Variants in HTT observed in about 807,000 individuals in gnomAD.
The protein encoded by HTT is huntington disease protein.
A neutral mutation model predicts 362.3 loss-of-function variants in HTT; 104 were observed. That is an observed-to-expected ratio of 0.29 (90% CI 0.24 to 0.34). HTT has a LOEUF of 0.34. Among genes scored for constraint, HTT ranks in the 10% least tolerant of loss-of-function variants. The pLI is 1.00. For missense variants in HTT, 3,301 were observed against 3,928.6 expected, an observed-to-expected ratio of 0.84 and a Z score of 4.27; for synonymous variants, 1,577 against 1,548.7, an observed-to-expected ratio of 1.02 and a Z score of -0.43.
At chr4:3,177,279 T>C in intron 33 of HTT, 53 bp from the exon 34 acceptor site, 1 of 1,259,460 alleles carries the variant, frequency 7.9e-7, no homozygotes, top group Non-Finnish European at 1.1e-6. Context: ...AGAAGCCTGG[T>C]TTTTACATTT....
intron 29 of HTT, among the ~76,000 whole-genome samples, chr4:3,166,955 A>G (rs1717746048): frequency 6.6e-6 from 1 of 152,240 alleles, no homozygotes; most frequent in Non-Finnish European, 1.5e-5. Flanking sequence ...CCCACTGTCC[A>G]GCAAGTCCCA....
chr4:3,233,096 TGTGGGGAGGAGC>T, intron 60 of HTT, 55 bp from the exon 61 acceptor site: 1 of 1,374,630 alleles, frequency 7.3e-7, no homozygotes. Context: ...CCGCCTCGGC[TGTGGGGAGGAGC>T]CACTGGGACG....
rs1423953634 is a variant in HTT at position 3,235,732 on chromosome 4, C to T, written c.8739C>T (p.His2913=). 7 of 1,612,172 alleles carry T rather than the reference C, an allele frequency of 4.3e-6. No individual in the cohort carries two copies. The highest frequency in any genetic ancestry group is 5.9e-6 in the Non-Finnish European group (7 of 1,180,022). The part of the protein sequence containing the change: ...SVDRVNVHSP[H]RAMAALGLML... ...ACAGAGTGAACGTGCACAGCCCGCA[C>T]CGGGCCATGGCGGCTCTGGGCCTGA... is the stretch of plus-strand genomic sequence containing the variant. Residue 2913 remains histidine (H), a synonymous_variant, in exon 63 of 67, where the codon CAC becomes CAT. Transcript: ENST00000355072.
intron 40 of HTT, among the ~76,000 whole-genome samples, chr4:3,199,041 G>C (rs551268423): frequency 2.0e-5 from 3 of 152,356 alleles, no homozygotes; most frequent in African/African-American, 7.2e-5. Context: ...TGCCTGTGTA[G>C]CTGTGGCTCA....
chr4:3,187,911 A>G (rs1402925105), intron 39 of HTT, 25 bp downstream of exon 39: 2 of 1,419,850 alleles, frequency 1.4e-6, no homozygotes, highest in East Asian at 2.3e-5. Context: ...TGAGCCTATA[A>G]CTAACCCATG....
At chr4:3,120,087 A>G (rs1465446716) in intron 8 of HTT, among the ~76,000 whole-genome samples, 1 of 152,178 alleles carries the variant, frequency 6.6e-6, no homozygotes, top group Admixed American at 6.5e-5. Flanking sequence ...TATAGAAGTT[A>G]CCATCAGAAG....
intron 35 of HTT, 45 bp from the exon 36 acceptor site, chr4:3,180,470 A>G (rs752342762): frequency 1.3e-6 from 2 of 1,512,452 alleles, no homozygotes; most frequent in African/African-American, 1.4e-5. Flanking sequence ...TTCCAAATGT[A>G]ATTTCCATGA....
In HTT at chr4:3,241,639, CTG is replaced by C. The variant is rs1213245490; in HGVS notation, c.*1583_*1584del. 2 of 152,324 alleles carry C rather than the reference CTG, an allele frequency of 1.3e-5. No individual in the cohort carries two copies. Among genetic ancestry groups the C allele is most frequent in the African/African-American group, 4.8e-5 (2 of 41,460 alleles). 9.4% of individuals were successfully genotyped at this position (152,324 alleles called of 1,614,324 possible). On this transcript the variant is annotated 3_prime_UTR_variant, in exon 67 of 67. Transcript: ENST00000355072. ...GGTAAGTGGAGGAAATGTTGGAACTCTGTGCAGGTGCTGCCTTGAGACCCCCA... is the reference window on the plus strand; with the variant it reads ...GGTAAGTGGAGGAAATGTTGGAACTCTGCAGGTGCTGCCTTGAGACCCCCA...
chr4:3,146,705 A>G, intron 24 of HTT, 92 bp from the exon 25 acceptor site: 1 of 1,103,538 alleles, frequency 9.1e-7, no homozygotes, highest in Non-Finnish European at 1.4e-6. Context: ...ATGTATTGTG[A>G]CATGCCTTCC....
rs773875214 is a variant in HTT, at chr4:3,235,584, C to T, written c.8591C>T (p.Ser2864Phe). 2 of 1,613,874 alleles carry T rather than the reference C, an allele frequency of 1.2e-6. No homozygotes were observed. Among genetic ancestry groups the T allele is most frequent in the Non-Finnish European group, 1.7e-6 (2 of 1,179,968 alleles). Residue 2864 changes from serine (S) to phenylalanine (F), a missense_variant, in exon 63 of 67, where the codon TCT becomes TTT. Coordinates refer to ENST00000355072, the MANE Select transcript of HTT (RefSeq NM_001388492.1). Reference protein sequence around the residue: ...SIIQMCGVMLSGSEESTPSII... With the variant: ...SIIQMCGVMLFGSEESTPSII... The stretch of plus-strand genomic sequence containing the variant: ...GTGCAGATGTGTGGGGTGATGCTGT[C>T]TGGAAGTGAGGAGTCCACCCCCTCC...
chr4:3,194,435 G>C (rs777098739), intron 40 of HTT, among the ~76,000 whole-genome samples: 3 of 152,254 alleles, frequency 2.0e-5, no homozygotes, highest in Non-Finnish European at 4.4e-5. Flanking sequence ...TTTAGAAACA[G>C]ATGATGGCAC....
chr4:3,106,227 G>A (rs901069472), intron 5 of HTT, among the ~76,000 whole-genome samples: 4 of 152,130 alleles, frequency 2.6e-5, no homozygotes, highest in Admixed American at 6.5e-5. Context: ...ATGGTGGTGC[G>A]TGCCTGTGGT....
At chr4:3,173,672 G>GTTT (rs534371913) in intron 31 of HTT, among the ~76,000 whole-genome samples, 1 of 142,290 alleles carries the variant, frequency 7.0e-6, no homozygotes, top group Non-Finnish European at 1.5e-5. Context: ...ACTTAAATTT[G>GTTT]TTTTTTTTTT....
At position 3,239,945 on chromosome 4, in the gene HTT, G is replaced by A. The variant is rs1475331356; in HGVS notation, c.9315G>A (p.Glu3105=). The change falls in exon 67 of 67, where the codon GAG becomes GAA. Residue 3105 remains glutamate, a synonymous_variant. Transcript: ENST00000355072. ...ACTTCTACAGACACCAGATAGAGGA[G>A]GAGCTCGACCGCAGGGCCTTCCAGT... ...ATDFYRHQIE[E]ELDRRAFQSV... is the part of the protein sequence containing the mutation. 6.3e-7 allele frequency: 1 copy of A among 1,587,142 alleles called. No individual in the cohort carries two copies. Among genetic ancestry groups the A allele is most frequent in the Non-Finnish European group, 8.6e-7 (1 of 1,165,838 alleles).
intron 3 of HTT, 148 bp from the exon 4 acceptor site, chr4:3,103,676 G>GCA: frequency 1.7e-6 from 1 of 598,458 alleles, no homozygotes; most frequent in Admixed American, 2.8e-5. Context: ...GCATATATTT[G>GCA]TTTCTTTCAT....
chr4:3,224,158 G>A, intron 56 of HTT, 27 bp downstream of exon 56: 1 of 1,613,006 alleles, frequency 6.2e-7, no homozygotes, highest in Non-Finnish European at 8.5e-7. Context: ...GTGCGGGGGA[G>A]CGGTTGTACT....
At chr4:3,188,118 A>G in intron 39 of HTT, 1 of 427,580 alleles carries the variant, frequency 2.3e-6, no homozygotes, top group Non-Finnish European at 4.2e-6. Context: ...GAGATGCTAC[A>G]GCAGTGGCTC....
intron 1 of HTT, among the ~76,000 whole-genome samples, chr4:3,077,908 G>T (rs1347901972): frequency 6.6e-6 from 1 of 152,198 alleles, no homozygotes; most frequent in Non-Finnish European, 1.5e-5. Context: ...TGGCAGTTCT[G>T]TTCACGTGCT....
chr4:3,157,489 T>G (rs556041538), intron 28 of HTT, among the ~76,000 whole-genome samples: 8 of 152,320 alleles, frequency 5.3e-5, no homozygotes, highest in African/African-American at 1.7e-4. Flanking sequence ...TCTGGAGGGA[T>G]CCGTGTACAG....
Sources: allele counts gnomAD v4.1 joint callset (sites outside exome capture counted in the v4.1 genomes callset), GRCh38; gene constraint gnomAD v4.1.1; transcripts MANE v1.5; gene names NCBI Gene and HGNC (gene_info 2026-07-23, HGNC 2026-07-21).